The following SEMA5A variants were observed in gnomAD, a reference collection of about 807,000 sequenced individuals.
SEMA5A encodes semaphorin-5A.
A neutral mutation model predicts 135.5 loss-of-function variants in SEMA5A; 55 were observed. The observed-to-expected ratio is 0.41, with a 90% confidence interval of 0.33 to 0.51. SEMA5A has a LOEUF of 0.51. Among genes scored for constraint, SEMA5A ranks in the 20% least tolerant of loss-of-function variants. SEMA5A has a pLI of 0.37. For synonymous variants in SEMA5A, 580 were observed against 546.5 expected (o/e 1.06, Z -0.85); for missense variants, 1,290 against 1,419.9 (o/e 0.91, Z 1.47).
At chr5:9,405,900 T>C (rs761178738) in intron 2 of SEMA5A, among the ~76,000 whole-genome samples, 4 of 152,110 alleles carry the variant, frequency 2.6e-5, no homozygotes, top group Non-Finnish European at 4.4e-5. Context: ...AGGTGCATCA[T>C]ATAAGGTCAC....
chr5:9,174,400 C>T (rs979135611), intron 11 of SEMA5A, among the ~76,000 whole-genome samples: 1 of 152,204 alleles, frequency 6.6e-6, no homozygotes, highest in Non-Finnish European at 1.5e-5. Flanking sequence ...TTGGTATCCT[C>T]ATCTTCTCTG....
At chr5:9,251,493 T>C (rs1355597288) in intron 5 of SEMA5A, among the ~76,000 whole-genome samples, 2 of 152,198 alleles carry the variant, frequency 1.3e-5, no homozygotes, top group Non-Finnish European at 2.9e-5. Context: ...TTCAATGCTA[T>C]TTTCTAAAAA....
intron 1 of SEMA5A, among the ~76,000 whole-genome samples, chr5:9,541,088 G>C (rs1350173471): frequency 7.2e-5 from 11 of 152,140 alleles, no homozygotes; most frequent in Admixed American, 7.2e-4. Context: ...GGGTGGATTT[G>C]AACTGATTGA....
intron 2 of SEMA5A, among the ~76,000 whole-genome samples, chr5:9,418,246 G>A (rs1561236916): frequency 6.6e-6 from 1 of 152,012 alleles, no homozygotes; most frequent in Non-Finnish European, 1.5e-5. Flanking sequence ...AAAGTGCTGG[G>A]ATTACAGGCA....
At chr5:9,379,327 G>A (rs1322764557) in intron 3 of SEMA5A, among the ~76,000 whole-genome samples, 2 of 152,062 alleles carry the variant, frequency 1.3e-5, no homozygotes, top group African/African-American at 2.4e-5. Context: ...ATAAATGAGT[G>A]GATATACAGA....
intron 10 of SEMA5A, among the ~76,000 whole-genome samples, chr5:9,193,307 T>C (rs570163078): frequency 3.9e-5 from 6 of 152,176 alleles, no homozygotes; most frequent in African/African-American, 1.4e-4. Context: ...GGGTTCACCA[T>C]GCAAGAAGAA....
intron 5 of SEMA5A, among the ~76,000 whole-genome samples, chr5:9,295,941 C>T (rs1361812898): frequency 2.0e-5 from 3 of 152,184 alleles, no homozygotes; most frequent in South Asian, 4.1e-4. Flanking sequence ...TCACCCAATG[C>T]TTTCTTTAAT....
chr5:9,075,625 T>C (rs1235130054), intron 16 of SEMA5A, among the ~76,000 whole-genome samples: 4 of 150,388 alleles, frequency 2.7e-5, no homozygotes, highest in African/African-American at 7.3e-5. Flanking sequence ...AACTAATGCA[T>C]AGAGACAGAA....
intron 5 of SEMA5A, among the ~76,000 whole-genome samples, chr5:9,291,394 T>G (rs1751068118): frequency 6.6e-6 from 1 of 152,138 alleles, no homozygotes; most frequent in Non-Finnish European, 1.5e-5. Flanking sequence ...ACCAATAAAA[T>G]ATGACCGAAG....
chr5:9,534,991 T>G (rs993345655), intron 1 of SEMA5A, among the ~76,000 whole-genome samples: 2 of 152,208 alleles, frequency 1.3e-5, no homozygotes, highest in African/African-American at 2.4e-5. Context: ...GCACCTACAT[T>G]GACTCCTTGA....
At chr5:9,397,423 A>G (rs73740533) in intron 2 of SEMA5A, among the ~76,000 whole-genome samples, 2 of 152,146 alleles carry the variant, frequency 1.3e-5, no homozygotes, top group African/African-American at 4.8e-5. Flanking sequence ...CACCTTTCTC[A>G]TATGGTTTGT....
intron 12 of SEMA5A, among the ~76,000 whole-genome samples, chr5:9,153,545 C>A (rs1307132854): frequency 6.6e-6 from 1 of 152,048 alleles, no homozygotes; most frequent in African/African-American, 2.4e-5. Flanking sequence ...CCCTCCCTAC[C>A]CTCTCTGCAG....
At chr5:9,325,939 C>T (rs1752853221) in intron 4 of SEMA5A, among the ~76,000 whole-genome samples, 2 of 152,250 alleles carry the variant, frequency 1.3e-5, no homozygotes, top group Admixed American at 1.3e-4. Context: ...AAGGCAGAAG[C>T]CGATAAAATG....
chr5:9,355,706 A>G (rs1754411057), intron 3 of SEMA5A, among the ~76,000 whole-genome samples: 1 of 152,212 alleles, frequency 6.6e-6, no homozygotes, highest in South Asian at 2.1e-4. Flanking sequence ...AGCCCTCAAC[A>G]TAAAGATGTC....
chr5:9,189,924 C>T (rs1161604282), intron 11 of SEMA5A, among the ~76,000 whole-genome samples: 4 of 152,188 alleles, frequency 2.6e-5, no homozygotes, highest in Non-Finnish European at 4.4e-5. Flanking sequence ...ATATTTCACC[C>T]AACAACATCT....
chr5:9,436,912 T>C (rs191562201), intron 2 of SEMA5A, among the ~76,000 whole-genome samples: 3 of 152,090 alleles, frequency 2.0e-5, no homozygotes, highest in East Asian at 1.9e-4. Flanking sequence ...CTTTGGAAGA[T>C]CCAAACAAGC....
chr5:9,380,722 A>G (rs1755562985), intron 2 of SEMA5A, among the ~76,000 whole-genome samples: 1 of 152,256 alleles, frequency 6.6e-6, no homozygotes, highest in African/African-American at 2.4e-5. Context: ...TTAAATGATT[A>G]ACAAGCATTA....
chr5:9,499,781 T>G (rs377122638), intron 1 of SEMA5A, among the ~76,000 whole-genome samples: 1 of 152,280 alleles, frequency 6.6e-6, no homozygotes, highest in South Asian at 2.1e-4. Context: ...AGTGTCCCAG[T>G]CTGGTTGTGT....
In SEMA5A at chr5:9,122,654, A is replaced by G; in HGVS notation, c.1781+2T>C. 1 of 1,593,762 alleles carries G rather than the reference A, an allele frequency of 6.3e-7. No individual in the cohort carries two copies. The highest frequency in any genetic ancestry group is 8.6e-7 in the Non-Finnish European group (1 of 1,167,276). ...ACAACTGGCGTGTTCTGAGCGGCAC[A>G]CCTGGAACAGTTGGCGATCTCCATG... On this transcript the variant is annotated splice_donor_variant, in intron 14 of 22. Transcript: ENST00000382496. LOFTEE classifies it high-confidence loss of function.
Sources: gnomAD v4.1 joint callset for allele counts (sites outside exome capture counted in the v4.1 genomes callset) on GRCh38, gnomAD v4.1.1 for gene constraint, MANE v1.5 for transcripts, NCBI Gene and HGNC (gene_info 2026-07-23, HGNC 2026-07-21) for gene names.